PHLDB1: variants seen among roughly 807,000 people sequenced by gnomAD.
PHLDB1 encodes the protein pleckstrin homology like domain family B member 1.
A neutral mutation model predicts 139.3 loss-of-function variants in PHLDB1; 65 were observed. That is an observed-to-expected ratio of 0.47 (90% CI 0.38 to 0.57). The LOEUF (loss-of-function observed/expected upper bound fraction) is 0.57. Among genes scored for constraint, PHLDB1 ranks in the 20% least tolerant of loss-of-function variants. The pLI, the probability that PHLDB1 is intolerant of heterozygous loss-of-function variation, is 0.00. For synonymous variants in PHLDB1, 679 were observed against 734.5 expected (o/e 0.92, Z 1.22); for missense variants, 1,624 against 1,839.7 (o/e 0.88, Z 2.14).
At position 118,645,487 on chromosome 11, in the gene PHLDB1, C is replaced by T. The variant is rs147636223; in HGVS notation, c.3253C>T (p.Pro1085Ser). The T allele has an allele frequency of 4.3e-6, 7 of 1,611,962 alleles. No individual in the cohort carries two copies. The African/African-American group carries it at 6.7e-5, about 15-fold the overall frequency. Residue 1085 changes from proline to serine, a missense_variant, in exon 16 of 23, where the codon CCT becomes TCT. Pro to Ser is a moderately conservative substitution (Grantham distance 74, BLOSUM62 -1). Coordinates refer to ENST00000600882, the MANE Select transcript of PHLDB1 (RefSeq NM_001144758.3). This position sits in a 1 kb window ranked among gnomAD's most constrained non-coding sequence, Gnocchi z 5.1. ...CCCAGCGGGCCCCTCGGGCTTCCCC[C>T]CTCTCATGCACCACTCTATCCTACA... Reference protein sequence around the residue: ...PFPAGPSGFPPLMHHSILHHL... With the variant: ...PFPAGPSGFPSLMHHSILHHL...
chr11:118,656,921 G>A lies in PHLDB1; in HGVS notation c.*98G>A. ...TGGTCCTGTGAGTTTCTGGGCTCTG[G>A]CCTCCTGAAGAACCAGCCAGAAGAA... On this transcript the variant is annotated 3_prime_UTR_variant, in exon 23 of 23. Coordinates refer to ENST00000600882, the MANE Select transcript of PHLDB1 (RefSeq NM_001144758.3). The A allele has an allele frequency of 9.1e-7, 1 of 1,099,720 alleles. No individual in the cohort carries two copies. The highest frequency in any genetic ancestry group is 1.3e-6 in the Non-Finnish European group (1 of 770,284). The allele number at this position is 1,099,720 out of a possible 1,614,324, so 68.1% of individuals were successfully genotyped here.
Position 118,608,706 on chromosome 11 carries a change from GC to G in PHLDB1, c.-22+1009del, listed in dbSNP as rs1300320461. ...GGGCTCCCACGCGGCACACACGCAC[GC>G]CTCCGCGACACTTCGCACACCTACG... On this transcript the variant is annotated intron_variant, in intron 1 of 22. Transcript: ENST00000600882. This position sits in a 1 kb window ranked among gnomAD's most constrained non-coding sequence, Gnocchi z 6.7. Among the ~76,000 whole-genome samples the G allele has an allele frequency of 1.3e-4, 20 of 151,906 alleles. No individual in the cohort carries two copies. The highest frequency in any genetic ancestry group is 4.8e-4 in the African/African-American group (20 of 41,430).
In PHLDB1 at chr11:118,628,411, C is replaced by T. The variant is rs1555106329; in HGVS notation, c.1588C>T (p.His530Tyr). Residue 530 changes from histidine to tyrosine, a missense_variant, in exon 6 of 23, where the codon CAC becomes TAC. His to Tyr is a moderately conservative substitution (Grantham distance 83, BLOSUM62 2). Coordinates refer to ENST00000600882, the MANE Select transcript of PHLDB1 (RefSeq NM_001144758.3). Reference protein sequence around the residue: ...SPTLGESLAPHKGSFSGRLSP... With the variant: ...SPTLGESLAPYKGSFSGRLSP... ...CACACTGGGTGAGTCTCTGGCACCC[C>T]ACAAGGGCAGCTTCAGTGGCAGGCT... 1 of 1,611,046 alleles carries T rather than the reference C, an allele frequency of 6.2e-7. No individual in the cohort carries two copies. Among genetic ancestry groups the T allele is most frequent in the Admixed American group, 1.7e-5 (1 of 59,454 alleles).
At chr11:118,609,111 G>A (rs1360619576) in intron 1 of PHLDB1, among the ~76,000 whole-genome samples, 26 of 129,122 alleles carry the variant, frequency 2.0e-4, no homozygotes, top group African/African-American at 7.6e-4. Context: ...GCTCATGCAA[G>A]CAGCCCGTCA....
rs939750985 is a variant in PHLDB1, at chr11:118,626,452, C to T, written c.482-853C>T. ...AGGCTGCAGTGCAGTGGCGCGATCT[C>T]GGCTCACTGCAACCTCCGCCTCCTG... On this transcript the variant is annotated intron_variant, in intron 5 of 22. Coordinates refer to ENST00000600882, the MANE Select transcript of PHLDB1 (RefSeq NM_001144758.3). Among the ~76,000 whole-genome samples, 6 of 152,048 alleles carry T rather than the reference C, an allele frequency of 3.9e-5. No homozygotes were observed. The East Asian group carries it at 7.7e-4, about 20-fold the overall frequency.
chr11:118,648,233 A>T (rs1198121673), intron 18 of PHLDB1, among the ~76,000 whole-genome samples, 157 bp downstream of exon 18: 2 of 150,306 alleles, frequency 1.3e-5, no homozygotes, highest in African/African-American at 4.9e-5. Flanking sequence ...CCTGGGACTC[A>T]TTGACCCCAA....
intron 4 of PHLDB1, among the ~76,000 whole-genome samples, chr11:118,622,478 T>A (rs1555096027): frequency 6.6e-6 from 1 of 152,194 alleles, no homozygotes; most frequent in Non-Finnish European, 1.5e-5. Flanking sequence ...AGAGGCAGCA[T>A]GGCCACACCC....
Position 118,611,082 on chromosome 11 carries a change from G to A in PHLDB1, c.-21-2734G>A, listed in dbSNP as rs1940170886. On this transcript the variant is annotated intron_variant, in intron 1 of 22. Coordinates refer to ENST00000600882, the MANE Select transcript of PHLDB1 (RefSeq NM_001144758.3). This position sits in a 1 kb window ranked among gnomAD's most constrained non-coding sequence, Gnocchi z 4.7. ...GGGCCAGATGGAAGCGGGGCCGCAG[G>A]TGAGGGACGTCCCTCGCGTAGCGCC... 6.6e-6 allele frequency among the ~76,000 whole-genome samples: 1 copy of A among 152,190 alleles called. No individual in the cohort carries two copies. The highest frequency in any genetic ancestry group is 1.5e-5 in the Non-Finnish European group (1 of 68,030).
At chr11:118,631,509 G>A (rs1555110550) in intron 7 of PHLDB1, 30 bp downstream of exon 7, 4 of 1,415,566 alleles carry the variant, frequency 2.8e-6, no homozygotes, top group Middle Eastern at 3.8e-4. Context: ...AAGACAAAGA[G>A]GCTGAAGTTG....
chr11:118,613,184 TA>T (rs1171457127), intron 1 of PHLDB1: 1 of 597,352 alleles, frequency 1.7e-6, no homozygotes, highest in Non-Finnish European at 2.1e-6. Context: ...AAAATTTTTT[TA>T]GCTGATTGTG....
chr11:118,635,528 C>T lies in PHLDB1; in HGVS notation c.2515C>T (p.Arg839Cys). The change falls in exon 10 of 23, where the codon CGC becomes TGC. Residue 839 changes from arginine to cysteine, a missense_variant. Coordinates refer to ENST00000600882, the MANE Select transcript of PHLDB1 (RefSeq NM_001144758.3). ...GCTCCGGAGCAAGGCTGAGCTGCTC[C>T]GCAGCATCGCCAAGAGGAAGGTGTG... ...GLLRSKAELLRSIAKRKERLA... is the reference protein window; with the variant it reads ...GLLRSKAELLCSIAKRKERLA... The T allele has an allele frequency of 6.4e-7, 1 of 1,565,754 alleles. No homozygotes were observed.
At chr11:118,655,746 G>A (rs1948958117) in intron 21 of PHLDB1, 56 bp downstream of exon 21, 4 of 1,500,180 alleles carry the variant, frequency 2.7e-6, no homozygotes, top group Non-Finnish European at 3.7e-6. Context: ...GGGAAGGGGT[G>A]GCCTGGTGGG....
chr11:118,635,032 T>G (rs1565456231), intron 9 of PHLDB1: 1 of 490,508 alleles, frequency 2.0e-6, no homozygotes. Flanking sequence ...CGGGAACAGT[T>G]ACAGGAGCAG....
chr11:118,625,690 G>T (rs1046042689), intron 5 of PHLDB1, among the ~76,000 whole-genome samples: 1 of 152,180 alleles, frequency 6.6e-6, no homozygotes, highest in East Asian at 1.9e-4. Context: ...GGGGTGACAG[G>T]TGCTGGGACA....
intron 6 of PHLDB1, among the ~76,000 whole-genome samples, chr11:118,630,957 C>G (rs1345333747): frequency 6.8e-6 from 1 of 147,416 alleles, no homozygotes; most frequent in African/African-American, 2.5e-5. Flanking sequence ...CAGAAGTGGG[C>G]AGGAAGAACC....
chr11:118,633,661 T>C (rs1945149888), intron 9 of PHLDB1: 1 of 152,196 alleles, frequency 6.6e-6, no homozygotes, highest in African/African-American at 2.4e-5. Flanking sequence ...TGGTAATGGG[T>C]AGCCCCTACT....
In PHLDB1 at chr11:118,627,711, A is replaced by G. The variant is rs782007189; in HGVS notation, c.888A>G (p.Leu296=). The G allele has an allele frequency of 2.5e-6, 4 of 1,610,130 alleles. No individual in the cohort carries two copies. The highest frequency in any genetic ancestry group is 3.3e-5 in the Admixed American group (2 of 60,018). The change falls in exon 6 of 23, where the codon CTA becomes CTG. Residue 296 remains leucine, a synonymous_variant. Transcript: ENST00000600882. Reference sequence around the variant, plus strand: ...GTTCCTCCAGCTACCATCTGGCCCTACAGCCCCCACAGTCCCGCCCAAGTG... The same window carrying G: ...GTTCCTCCAGCTACCATCTGGCCCTGCAGCCCCCACAGTCCCGCCCAAGTG... ...PARSSSYHLA[L]QPPQSRPSGA...
In PHLDB1 at chr11:118,628,620, G is replaced by A; in HGVS notation, c.1797G>A (p.Glu599=). Residue 599 remains glutamate, a synonymous_variant, in exon 6 of 23, where the codon GAG becomes GAA. Transcript: ENST00000600882. ...AGTACCACCGGCGACAGCGCCAAGA[G>A]CGGCTCCGGGAGCAGGAGATGGAGA... ...LLEYHRRQRQ[E]RLREQEMERL... 6.2e-7 allele frequency: 1 copy of A among 1,611,288 alleles called. No individual in the cohort carries two copies. Among genetic ancestry groups the A allele is most frequent in the Non-Finnish European group, 8.5e-7 (1 of 1,179,450 alleles).
chr11:118,617,894 AG>A (rs1941974941), intron 4 of PHLDB1, among the ~76,000 whole-genome samples: 1 of 152,108 alleles, frequency 6.6e-6, no homozygotes, highest in African/African-American at 2.4e-5. Context: ...ATGAGACAAT[AG>A]AGCAGCAAGG....
Sources: gnomAD v4.1 joint callset for allele counts (sites outside exome capture counted in the v4.1 genomes callset) on GRCh38, gnomAD v4.1.1 for gene constraint, Gnocchi (gnomAD v3.1) non-coding constraint, MANE v1.5 for transcripts, NCBI Gene and HGNC (gene_info 2026-07-23, HGNC 2026-07-21) for gene names.